SLC16A12: variants seen among roughly 807,000 people sequenced by gnomAD.
SLC16A12 encodes the protein monocarboxylate transporter 12.
A neutral mutation model predicts 42.4 loss-of-function variants in SLC16A12; 17 were observed. The ratio of observed to expected loss-of-function variants is 0.40; its 90% CI spans 0.27 to 0.60. SLC16A12 has a LOEUF of 0.60. Among genes scored for constraint, SLC16A12 ranks in the 20% least tolerant of loss-of-function variants. The pLI is 0.42. For missense variants in SLC16A12, 544 were observed against 623.0 expected, an observed-to-expected ratio of 0.87 and a Z score of 1.35; for synonymous variants, 224 against 229.4, an observed-to-expected ratio of 0.98 and a Z score of 0.21.
chr10:89,479,552 C>T (rs1842632096), intron 2 of SLC16A12, among the ~76,000 whole-genome samples: 1 of 152,164 alleles, frequency 6.6e-6, no homozygotes, highest in Non-Finnish European at 1.5e-5. Flanking sequence ...TTTTGATCTT[C>T]ATCTGTTTAA....
intron 3 of SLC16A12, among the ~76,000 whole-genome samples, chr10:89,448,210 A>G (rs987975995): frequency 6.6e-6 from 1 of 152,198 alleles, no homozygotes; most frequent in African/African-American, 2.4e-5. Flanking sequence ...TTCCTTCTGA[A>G]ACTATTCCAA....
At chr10:89,551,406 G>A (rs1252064121) in intron 2 of SLC16A12, among the ~76,000 whole-genome samples, 1 of 152,098 alleles carries the variant, frequency 6.6e-6, no homozygotes, top group African/African-American at 2.4e-5. Flanking sequence ...TCACACTACT[G>A]CACTCCAGCC....
intron 2 of SLC16A12, among the ~76,000 whole-genome samples, chr10:89,500,756 A>T (rs983226729): frequency 3.3e-5 from 5 of 152,162 alleles, no homozygotes; most frequent in African/African-American, 9.6e-5. Flanking sequence ...CACTCTCACC[A>T]CTCCTCTTCA....
chr10:89,474,992 G>A (rs1057159716), intron 2 of SLC16A12, among the ~76,000 whole-genome samples: 6 of 152,222 alleles, frequency 3.9e-5, no homozygotes, highest in Admixed American at 3.9e-4. Flanking sequence ...CATGTTGGAT[G>A]TTGTGTCCCC....
intron 2 of SLC16A12, among the ~76,000 whole-genome samples, chr10:89,529,211 A>G (rs933978190): frequency 1.3e-5 from 2 of 152,166 alleles, no homozygotes; most frequent in African/African-American, 4.8e-5. Flanking sequence ...TGTTTCAAGA[A>G]ATACATCTGG....
intron 3 of SLC16A12, among the ~76,000 whole-genome samples, chr10:89,448,138 G>T (rs1173914126): frequency 6.6e-6 from 1 of 152,136 alleles, no homozygotes; most frequent in Non-Finnish European, 1.5e-5. Context: ...ACCAAAAAAA[G>T]TCCAGGACCA....
At chr10:89,551,261 G>A (rs1843768853) in intron 2 of SLC16A12, among the ~76,000 whole-genome samples, 2 of 152,118 alleles carry the variant, frequency 1.3e-5, no homozygotes, top group Non-Finnish European at 2.9e-5. Flanking sequence ...GGCCAACATG[G>A]TGAAACCCTA....
At chr10:89,553,661 G>A (rs1229062423) in intron 2 of SLC16A12, among the ~76,000 whole-genome samples, 1 of 152,046 alleles carries the variant, frequency 6.6e-6, no homozygotes, top group Non-Finnish European at 1.5e-5. Flanking sequence ...CTCAACAATG[G>A]GACAAATTTA....
At chr10:89,509,600 A>G (rs528949696) in intron 2 of SLC16A12, among the ~76,000 whole-genome samples, 45 of 152,352 alleles carry the variant, frequency 3.0e-4, no homozygotes, top group Non-Finnish European at 5.1e-4. Context: ...TCAAAATAAT[A>G]AGAGCTATTT....
intron 2 of SLC16A12, among the ~76,000 whole-genome samples, chr10:89,480,005 C>T (rs1321736219): frequency 6.6e-6 from 1 of 152,064 alleles, no homozygotes; most frequent in African/African-American, 2.4e-5. Flanking sequence ...GAGAAGGAGG[C>T]TTATAAGAGG....
At chr10:89,464,215 C>G (rs1034888687) in intron 2 of SLC16A12, among the ~76,000 whole-genome samples, 4 of 152,182 alleles carry the variant, frequency 2.6e-5, no homozygotes, top group African/African-American at 7.2e-5. Context: ...GCAAACATCC[C>G]AAGTGAGCCT....
rs1843789739 is a variant in SLC16A12 at position 89,554,079 on chromosome 10, AGAAAGAAAGAAAGAAAGAAAGAAG to A, written c.-47+1779_-47+1802del. 1.2e-4 allele frequency among the ~76,000 whole-genome samples: 8 copies of A among 66,600 alleles called. No individual in the cohort carries two copies. In the East Asian group the frequency reaches 2.1e-3, roughly 18 times the overall value. 43.7% of individuals were successfully genotyped at this position (66,600 alleles called of 152,430 possible). A position where few individuals can be genotyped will look rare whatever the true frequency, so the allele number is the denominator to read the frequency against. ...AAGAAAGAAAGAAAGAAAGAAAGAA[AGAAAGAAAGAAAGAAAGAAAGAAG>A]GAAGGAAGGAAGGAAGGAAGGAAGG... On this transcript the variant is annotated intron_variant, in intron 2 of 2. Coordinates refer to the SLC16A12 transcript ENST00000475682.
chr10:89,543,869 C>A (rs565122105), intron 2 of SLC16A12, among the ~76,000 whole-genome samples: 1 of 152,052 alleles, frequency 6.6e-6, no homozygotes, highest in Non-Finnish European at 1.5e-5. Flanking sequence ...GTGCTTAGCA[C>A]AATAGCTGAA....
At chr10:89,477,047 G>A (rs905279874) in intron 2 of SLC16A12, among the ~76,000 whole-genome samples, 1 of 152,190 alleles carries the variant, frequency 6.6e-6, no homozygotes, top group Admixed American at 6.5e-5. Flanking sequence ...TGTAAGACGG[G>A]GGCTTGAATT....
upstream of SLC16A12, among the ~76,000 whole-genome samples, chr10:89,539,787 G>A (rs1172687567): frequency 6.6e-6 from 1 of 152,108 alleles, no homozygotes; most frequent in Non-Finnish European, 1.5e-5. Context: ...TACGTAGTCA[G>A]CTGTACAGAT....
In SLC16A12 at chr10:89,453,137, G is replaced by A. The variant is rs1413067716; in HGVS notation, c.200+9242C>T. ...CCAGACATGCTGCAGCAGATCTGAC[G>A]CTAGATTAATAATTATATCAGAACT... On this transcript the variant is annotated intron_variant, in intron 3 of 7. Transcript: ENST00000371790. Among the ~76,000 whole-genome samples the A allele has an allele frequency of 5.3e-5, 8 of 152,194 alleles. No individual in the cohort carries two copies. In the South Asian group the frequency reaches 1.0e-3, roughly 20 times the overall value.
intron 3 of SLC16A12, among the ~76,000 whole-genome samples, chr10:89,452,247 TAAA>T (rs1564573132): frequency 6.6e-6 from 1 of 152,178 alleles, no homozygotes; most frequent in Non-Finnish European, 1.5e-5. Flanking sequence ...GGAAGTCAAA[TAAA>T]AACAGTTGAG....
Position 89,433,024 on chromosome 10 carries a change from C to T in SLC16A12, c.*40G>A. The T allele has an allele frequency of 6.2e-7, 1 of 1,611,874 alleles. No individual in the cohort carries two copies. Among genetic ancestry groups the T allele is most frequent in the Non-Finnish European group, 8.5e-7 (1 of 1,179,620 alleles). ...AACATGAAGAATCTGGTGGCCCCAC[C>T]TCTCTCAAACCTGAAGATTCTGGGG... On this transcript the variant is annotated 3_prime_UTR_variant, in exon 8 of 8. Transcript: ENST00000371790.
Position 89,477,101 on chromosome 10 carries a change from C to T in SLC16A12, c.-46-14477G>A, listed in dbSNP as rs61088240. ...AGAAATGATTTTACAAAAATTCCTTCAAGATACGGATGGTCGTTTTTGTTC... is the reference window on the plus strand; with the variant it reads ...AGAAATGATTTTACAAAAATTCCTTTAAGATACGGATGGTCGTTTTTGTTC... On this transcript the variant is annotated intron_variant, in intron 2 of 7. Transcript: ENST00000371790. Among the ~76,000 whole-genome samples, 314 of 152,320 alleles carry T rather than the reference C, an allele frequency of 2.1e-3. 6 individuals are homozygous for T. In the East Asian group the frequency reaches 0.054, roughly 26 times the overall value.
Sources: gnomAD v4.1 joint callset for allele counts (sites outside exome capture counted in the v4.1 genomes callset) on GRCh38, gnomAD v4.1.1 for gene constraint, MANE v1.5 for transcripts, NCBI Gene and HGNC (gene_info 2026-07-23, HGNC 2026-07-21) for gene names.